The following CC2D2B variants were observed in gnomAD, a reference collection of about 807,000 sequenced individuals.
CC2D2B encodes the protein protein CC2D2B.
CC2D2B carries 128 observed loss-of-function variants against 161.2 expected under a neutral mutation model. The observed-to-expected ratio is 0.79, with a 90% CI of 0.69 to 0.92. CC2D2B has a LOEUF of 0.92. CC2D2B is among the 40% of genes least tolerant of loss of function. CC2D2B has a pLI of 0.00. For synonymous variants in CC2D2B, 391 were observed against 449.8 expected (o/e 0.87, Z 1.65); for missense variants, 1,173 against 1,375.1 (o/e 0.85, Z 2.32).
At chr10:95,947,492 C>T (rs183719458) in intron 9 of CC2D2B, among the ~76,000 whole-genome samples, 1 of 151,738 alleles carries the variant, frequency 6.6e-6, no homozygotes, top group Admixed American at 6.6e-5. Flanking sequence ...ACTTGTAATC[C>T]CAGCACTTTG....
intron 2 of CC2D2B, chr10:95,920,890 C>G (rs1477067274): frequency 6.6e-6 from 1 of 152,448 alleles, no homozygotes; most frequent in Non-Finnish European, 1.5e-5. Flanking sequence ...GGTGCTTTTA[C>G]TGTGGCTGAG....
chr10:96,009,091 TTATAAA>T (rs1206206734), intron 25 of CC2D2B, among the ~76,000 whole-genome samples: 20 of 152,126 alleles, frequency 1.3e-4, no homozygotes, highest in Non-Finnish European at 2.6e-4. Context: ...GGTTTGACTG[TTATAAA>T]TATAGTGACT....
chr10:96,032,079 T>C lies in CC2D2B; in HGVS notation c.*71T>C. ...ACCAACAAAAACTTTTCTGGTACCTTGAGATTTTGCTGTTTATTCTCAAGT... is the reference window on the plus strand; with the variant it reads ...ACCAACAAAAACTTTTCTGGTACCTCGAGATTTTGCTGTTTATTCTCAAGT... On this transcript the variant is annotated 3_prime_UTR_variant, in exon 35 of 35. Coordinates refer to ENST00000646931, the MANE Select transcript of CC2D2B (RefSeq NM_001349008.3). 1 of 1,206,458 alleles carries C rather than the reference T, an allele frequency of 8.3e-7. No homozygotes were observed. The highest frequency in any genetic ancestry group is 1.2e-6 in the Non-Finnish European group (1 of 861,866). The allele number at this position is 1,206,458 out of a possible 1,614,324, so 74.7% of individuals were successfully genotyped here. A position where few individuals can be genotyped will look rare whatever the true frequency, so the allele number is the denominator to read the frequency against.
At chr10:96,025,868 C>T (rs2079748705) in intron 33 of CC2D2B, among the ~76,000 whole-genome samples, 1 of 152,186 alleles carries the variant, frequency 6.6e-6, no homozygotes, top group Non-Finnish European at 1.5e-5. Context: ...ATGACCAAAG[C>T]AATTTTACCA....
At chr10:96,006,748 A>G (rs2078765613) in intron 25 of CC2D2B, among the ~76,000 whole-genome samples, 1 of 152,126 alleles carries the variant, frequency 6.6e-6, no homozygotes, top group Admixed American at 6.6e-5. Context: ...TATTTATATG[A>G]GTTATTTAAA....
rs1421009682 is a variant in CC2D2B at position 96,031,943 on chromosome 10, C to T, written c.4249C>T (p.His1417Tyr). ...AGAATTTGCTTTAGCTGTATACATT[C>T]ACCCATACCCAAACAACATATTATC... ...QTEFALAVYI[H>Y]PYPNNILSVW... Residue 1417 changes from histidine to tyrosine, a missense_variant, in exon 35 of 35, where the codon CAC (histidine) becomes TAC (tyrosine). Coordinates refer to ENST00000646931, the MANE Select transcript of CC2D2B (RefSeq NM_001349008.3). 1 of 1,613,734 alleles carries T rather than the reference C, an allele frequency of 6.2e-7. No homozygotes were observed. Among genetic ancestry groups the T allele is most frequent in the African/African-American group, 1.3e-5 (1 of 75,044 alleles).
chr10:95,965,386 A>ATAG lies in CC2D2B; in HGVS notation c.1251-497_1251-495dup, dbSNP rs919038303. 5.3e-5 allele frequency among the ~76,000 whole-genome samples: 8 copies of ATAG among 152,152 alleles called. No homozygotes were observed. In the East Asian group the frequency reaches 1.5e-3, roughly 29 times the overall value. On this transcript the variant is annotated intron_variant, in intron 12 of 34. Coordinates refer to ENST00000646931, the MANE Select transcript of CC2D2B (RefSeq NM_001349008.3). ...TAAGGATTAGCTAGTAGTAGTAGTA[A>ATAG]TAGTAGTAGTAGTAGCAGCAGCAGT... is the stretch of plus-strand genomic sequence containing the variant.
At chr10:95,969,148 G>T (rs2077037936) in intron 15 of CC2D2B, among the ~76,000 whole-genome samples, 1 of 152,110 alleles carries the variant, frequency 6.6e-6, no homozygotes, top group Non-Finnish European at 1.5e-5. Flanking sequence ...TGCACCCCTG[G>T]ATGTGCAGCA....
At chr10:95,971,796 T>C (rs185633611) in intron 15 of CC2D2B, among the ~76,000 whole-genome samples, 2 of 152,324 alleles carry the variant, frequency 1.3e-5, no homozygotes, top group East Asian at 3.9e-4. Flanking sequence ...TGCTATGATA[T>C]TATGTTATAT....
chr10:95,958,317 C>A (rs972289407), intron 11 of CC2D2B, among the ~76,000 whole-genome samples: 1 of 151,988 alleles, frequency 6.6e-6, no homozygotes, highest in Non-Finnish European at 1.5e-5. Flanking sequence ...CATGGTGAAA[C>A]CCCAACTGTA....
chr10:96,014,797 A>C (rs1457071097), intron 29 of CC2D2B, among the ~76,000 whole-genome samples: 3 of 152,266 alleles, frequency 2.0e-5, no homozygotes, highest in Non-Finnish European at 2.9e-5. Context: ...CTGACAATGA[A>C]GACTATTGTT....
intron 2 of CC2D2B, among the ~76,000 whole-genome samples, chr10:95,916,152 A>T (rs1320176112): frequency 6.6e-6 from 1 of 151,932 alleles, no homozygotes; most frequent in Non-Finnish European, 1.5e-5. Flanking sequence ...CTAGGAATTT[A>T]TTCATTTCTT....
At chr10:95,991,595 T>C (rs2077958783) in intron 21 of CC2D2B, 134 bp downstream of exon 21, 1 of 337,014 alleles carries the variant, frequency 3.0e-6, no homozygotes, top group East Asian at 4.2e-5. Flanking sequence ...ACATGAAATA[T>C]AATGATTTAA....
At chr10:95,926,679 T>C (rs1373636811) in intron 5 of CC2D2B, among the ~76,000 whole-genome samples, 8 of 152,020 alleles carry the variant, frequency 5.3e-5, no homozygotes, top group Non-Finnish European at 8.8e-5. Flanking sequence ...GAGAAAGAAG[T>C]GATTTATCAA....
At chr10:96,020,997 C>CCACT (rs1252752376) in intron 32 of CC2D2B, 1 of 152,180 alleles carries the variant, frequency 6.6e-6, no homozygotes, top group Non-Finnish European at 1.5e-5. Flanking sequence ...TATGATCGCA[C>CCACT]CACTGCACTC....
chr10:95,988,446 C>A lies in CC2D2B; in HGVS notation c.2379+104C>A, dbSNP rs555711515. On this transcript the variant is annotated intron_variant, in intron 20 of 34. Transcript: ENST00000646931. Reference sequence around the variant, plus strand: ...TTCCAGAGAGTCAGATGGACGAATCCACTCACTCGTCACCTCTTTCAGATC... The same window carrying A: ...TTCCAGAGAGTCAGATGGACGAATCAACTCACTCGTCACCTCTTTCAGATC... 59 of 436,632 alleles carry A rather than the reference C, an allele frequency of 1.4e-4. 1 individual carries two copies. In the East Asian group the frequency reaches 2.1e-3, roughly 15 times the overall value. 27.0% of individuals were successfully genotyped at this position (436,632 alleles called of 1,614,324 possible).
intron 12 of CC2D2B, among the ~76,000 whole-genome samples, chr10:95,964,750 A>G (rs1417431234): frequency 6.6e-6 from 1 of 152,168 alleles, no homozygotes; most frequent in Non-Finnish European, 1.5e-5. Flanking sequence ...ATTCTATTTC[A>G]GAAGGCAAAA....
intron 17 of CC2D2B, among the ~76,000 whole-genome samples, chr10:95,976,239 G>T (rs1045604960): frequency 6.6e-6 from 1 of 152,108 alleles, no homozygotes; most frequent in South Asian, 2.1e-4. Context: ...CTACTGGTCT[G>T]CATACATTCC....
chr10:96,006,438 G>A (rs776317537), intron 25 of CC2D2B, among the ~76,000 whole-genome samples: 15 of 150,784 alleles, frequency 9.9e-5, no homozygotes, highest in East Asian at 3.9e-4. Flanking sequence ...CTGTATCTTC[G>A]CATTTTCAAA....
Sources: allele counts gnomAD v4.1 joint callset (sites outside exome capture counted in the v4.1 genomes callset), GRCh38; gene constraint gnomAD v4.1.1; transcripts MANE v1.5; gene names NCBI Gene and HGNC (gene_info 2026-07-23, HGNC 2026-07-21).